The following MYH10 variants were observed in gnomAD, a reference collection of about 807,000 sequenced individuals.
The protein encoded by MYH10 is myosin-10.
A neutral mutation model predicts 257.8 loss-of-function variants in MYH10; 55 were observed. The ratio of observed to expected loss-of-function variants is 0.21; its 90% CI spans 0.17 to 0.27. The LOEUF is 0.27. Ranked by LOEUF, MYH10 falls within the 10% of genes least tolerant of loss-of-function variation. The probability of loss-of-function intolerance (pLI) is 1.00; values close to 1 mark genes in which losing one functional copy is unlikely to be tolerated. For synonymous variants in MYH10, 854 were observed against 921.7 expected, an observed-to-expected ratio of 0.93 and a Z score of 1.33; for missense variants, 1,631 against 2,500.6, an observed-to-expected ratio of 0.65 and a Z score of 7.42.
chr17:8,588,217 G>C (rs572551158), intron 4 of MYH10, among the ~76,000 whole-genome samples: 11 of 152,082 alleles, frequency 7.2e-5, no homozygotes, highest in African/African-American at 2.4e-4. Flanking sequence ...TCATTCATCG[G>C]CATGGCTTCC....
intron 17 of MYH10, among the ~76,000 whole-genome samples, chr17:8,523,161 C>A (rs2151907458): frequency 6.6e-6 from 1 of 152,284 alleles, no homozygotes; most frequent in Non-Finnish European, 1.5e-5. Flanking sequence ...ACTAGATATA[C>A]CTGACCACCC....
In MYH10 at chr17:8,512,459, G is replaced by A. The variant is rs763680043; in HGVS notation, c.2944C>T (p.His982Tyr). The change falls in exon 24 of 43, where the codon CAT becomes TAT. Residue 982 changes from histidine to tyrosine, a missense_variant. Coordinates refer to ENST00000360416, the MANE Select transcript of MYH10 (RefSeq NM_001256012.3). ...LQNEKKKMQA[H>Y]IQDLEEQLDE... is the part of the protein sequence containing the mutation. ...AAAATTATTATACATACCTGAATAT[G>A]TGCTTGCATTTTTTTCTTTTCATTT... 5.0e-6 allele frequency: 8 copies of A among 1,610,802 alleles called. No individual in the cohort carries two copies. The highest frequency in any genetic ancestry group is 1.3e-5 in the African/African-American group (1 of 74,642).
chr17:8,544,526 C>A (rs1056234160), intron 13 of MYH10, among the ~76,000 whole-genome samples: 7 of 152,060 alleles, frequency 4.6e-5, no homozygotes, highest in Admixed American at 1.3e-4. Context: ...CACCTTAAAG[C>A]AATCTCTTAG....
At position 8,548,759 on chromosome 17, in the gene MYH10, G is replaced by A; in HGVS notation, c.948C>T (p.Asn316=). Residue 316 remains asparagine (N), a synonymous_variant, in exon 10 of 43, where the codon AAC becomes AAT. Coordinates refer to ENST00000360416, the MANE Select transcript of MYH10 (RefSeq NM_001256012.3). ...TATAGCCATTGGAGAGAAACCTGTAGTTATTAAATCCTTCAAGAAGCAAAT... is the reference window on the plus strand; with the variant it reads ...TATAGCCATTGGAGAGAAACCTGTAATTATTAAATCCTTCAAGAAGCAAAT... ...KSDLLLEGFN[N]YRFLSNGYIP... 6.2e-7 allele frequency: 1 copy of A among 1,612,606 alleles called. No individual in the cohort carries two copies. The highest frequency in any genetic ancestry group is 1.7e-5 in the Admixed American group (1 of 59,910).
chr17:8,560,571 G>T lies in MYH10; in HGVS notation c.757-6553C>A, dbSNP rs927963862. On this transcript the variant is annotated intron_variant, in intron 7 of 42. Coordinates refer to ENST00000360416, the MANE Select transcript of MYH10 (RefSeq NM_001256012.3). Reference sequence around the variant, plus strand: ...TTGCCGACAAAGTTCCAAAAACAGTGGAAAACTTTCGTGCACTGAGCACTG... The same window carrying T: ...TTGCCGACAAAGTTCCAAAAACAGTTGAAAACTTTCGTGCACTGAGCACTG... 4.9e-6 allele frequency: 4 copies of T among 816,268 alleles called. No individual in the cohort carries two copies. In the East Asian group the frequency reaches 1.7e-4, roughly 35 times the overall value. 50.6% of individuals were successfully genotyped at this position (816,268 alleles called of 1,614,324 possible).
Position 8,548,343 on chromosome 17 carries a change from T to A in MYH10, c.1129A>T (p.Thr377Ser), listed in dbSNP as rs765979544. 2 of 1,613,052 alleles carry A rather than the reference T, an allele frequency of 1.2e-6. No individual in the cohort carries two copies. The highest frequency in any genetic ancestry group is 3.3e-5 in the Admixed American group (2 of 59,946). The change falls in exon 11 of 43, where the codon ACT (threonine) becomes TCT (serine). Residue 377 changes from threonine (T) to serine (S), a missense_variant. By Grantham distance (58) the Thr-to-Ser change is moderately conservative. Coordinates refer to ENST00000360416, the MANE Select transcript of MYH10 (RefSeq NM_001256012.3). The part of the protein sequence containing the change: ...GNISFKKERN[T>S]DQASMPENTV... ...TTTTCTGGCATGGAAGCTTGATCAG[T>A]ATTTCTCTCCTTTTTGAAAGAAATA...
At chr17:8,597,984 G>T (rs393462) in intron 3 of MYH10, among the ~76,000 whole-genome samples, 147,628 of 152,170 alleles carry the variant, frequency 0.97, 71,781 homozygotes, top group Middle Eastern at 1. Flanking sequence ...CTTAAGATTT[G>T]GTTTGTTTGT....
At chr17:8,484,054 C>G (rs1392051035) in intron 37 of MYH10, 84 bp downstream of exon 37, 1 of 1,343,884 alleles carries the variant, frequency 7.4e-7, no homozygotes, top group African/African-American at 1.5e-5. Context: ...CAGTGGGCTA[C>G]AAATATATTA....
intron 6 of MYH10, among the ~76,000 whole-genome samples, chr17:8,571,003 G>A (rs1291781267): frequency 2.6e-5 from 4 of 152,042 alleles, no homozygotes; most frequent in African/African-American, 7.2e-5. Flanking sequence ...ATCTACAACC[G>A]TGTTCAACTG....
chr17:8,484,329 T>A, intron 36 of MYH10, 63 bp from the exon 37 acceptor site: 5 of 1,511,658 alleles, frequency 3.3e-6, no homozygotes, highest in Non-Finnish European at 4.5e-6. Context: ...AAATAAAATT[T>A]TTTTAGAGAT....
chr17:8,576,808 G>T, intron 5 of MYH10, 136 bp from the exon 6 acceptor site: 1 of 714,348 alleles, frequency 1.4e-6, no homozygotes, highest in Non-Finnish European at 2.4e-6. Flanking sequence ...CTCTCAGGCT[G>T]TATTAACTAC....
intron 6 of MYH10, among the ~76,000 whole-genome samples, chr17:8,571,744 C>G (rs1354990244): frequency 6.6e-6 from 1 of 151,774 alleles, no homozygotes; most frequent in Non-Finnish European, 1.5e-5. Flanking sequence ...GGAGAAAGAG[C>G]GAGAGACTCA....
At chr17:8,542,051 T>C (rs1195480641) in intron 14 of MYH10, 56 bp downstream of exon 14, 3 of 1,539,290 alleles carry the variant, frequency 1.9e-6, no homozygotes, top group Admixed American at 1.8e-5. Flanking sequence ...GTTATGCCAC[T>C]TAAGGTCACT....
chr17:8,585,242 G>GTC (rs2083860234), intron 4 of MYH10, among the ~76,000 whole-genome samples: 1 of 61,886 alleles, frequency 1.6e-5, no homozygotes, highest in South Asian at 5.8e-4. Flanking sequence ...GTGTATATAT[G>GTC]TGTATATATC....
intron 34 of MYH10, among the ~76,000 whole-genome samples, chr17:8,491,739 T>C (rs1282352557): frequency 1.3e-5 from 2 of 152,156 alleles, no homozygotes; most frequent in African/African-American, 4.8e-5. Flanking sequence ...CGTCATACAC[T>C]AAGGGAGAGA....
intron 42 of MYH10, 96 bp downstream of exon 42, chr17:8,476,780 T>G (rs1168521427): frequency 7.5e-6 from 10 of 1,325,810 alleles, no homozygotes; most frequent in African/African-American, 1.5e-5. Flanking sequence ...TCACTGGGTA[T>G]GGATCTAAGT....
intron 9 of MYH10, among the ~76,000 whole-genome samples, chr17:8,549,730 G>A (rs1392433596): frequency 6.6e-6 from 1 of 151,944 alleles, no homozygotes; most frequent in Non-Finnish European, 1.5e-5. Context: ...CTCTTTCCAC[G>A]GTCTCCCTCT....
At chr17:8,547,125 C>T (rs573775728) in intron 11 of MYH10, among the ~76,000 whole-genome samples, 5 of 152,238 alleles carry the variant, frequency 3.3e-5, no homozygotes, top group Admixed American at 1.3e-4. Context: ...GGGCATAGCA[C>T]GACAGCCTAG....
chr17:8,503,421 C>T (rs2080972760), intron 28 of MYH10, among the ~76,000 whole-genome samples: 1 of 152,210 alleles, frequency 6.6e-6, no homozygotes, highest in Non-Finnish European at 1.5e-5. Context: ...TGTCCGGCTG[C>T]CATAGCTGTA....
Sources: gnomAD v4.1 joint callset for allele counts (sites outside exome capture counted in the v4.1 genomes callset) on GRCh38, gnomAD v4.1.1 for gene constraint, MANE v1.5 for transcripts, NCBI Gene and HGNC (gene_info 2026-07-23, HGNC 2026-07-21) for gene names.